Variants in ALKBH1 observed in about 807,000 individuals in gnomAD.
ALKBH1 encodes the protein alkB homolog 1, histone H2A dioxygenase, also known as nucleic acid dioxygenase ALKBH1.
A neutral mutation model predicts 36.6 loss-of-function variants in ALKBH1; 31 were observed. The observed-to-expected ratio is 0.85, with a 90% CI of 0.64 to 1.14. The LOEUF (loss-of-function observed/expected upper bound fraction) is 1.14. Ranked by LOEUF, ALKBH1 falls within the 50% of genes most tolerant of loss-of-function variation. ALKBH1 has a pLI of 0.00. For missense variants in ALKBH1, 490 were observed against 497.3 expected, an observed-to-expected ratio of 0.99 and a Z score of 0.14; for synonymous variants, 183 against 186.6, an observed-to-expected ratio of 0.98 and a Z score of 0.16.
intron 2 of ALKBH1, among the ~76,000 whole-genome samples, chr14:77,698,256 G>A (rs946078985): frequency 1.3e-5 from 2 of 152,158 alleles, no homozygotes; most frequent in Non-Finnish European, 2.9e-5. Flanking sequence ...CAGAAGAGAG[G>A]AAAGAAATAG....
At chr14:77,680,674 A>ATTTTT (rs2080231917) in intron 3 of ALKBH1, among the ~76,000 whole-genome samples, 1 of 92,208 alleles carries the variant, frequency 1.1e-5, no homozygotes, top group African/African-American at 5.0e-5. Context: ...GTGATTAACT[A>ATTTTT]CTCTTTTTTT....
chr14:77,683,286 G>A, intron 3 of ALKBH1: 1 of 764,444 alleles, frequency 1.3e-6, no homozygotes, highest in Non-Finnish European at 2.4e-6. Flanking sequence ...CTCTGGGTGG[G>A]GCAGGCTGGC....
At chr14:77,675,943 TTACA>T (rs777853110) in intron 4 of ALKBH1, 94 bp from the exon 5 acceptor site, 1 of 1,039,536 alleles carries the variant, frequency 9.6e-7, no homozygotes, top group Non-Finnish European at 1.4e-6. Flanking sequence ...ATAATCTTAC[TTACA>T]AAGTCATATT....
chr14:77,704,498 G>T, intron 1 of ALKBH1, 21 bp from the exon 2 acceptor site: 1 of 1,591,468 alleles, frequency 6.3e-7, no homozygotes, highest in Non-Finnish European at 8.6e-7. Context: ...GGAAACAGAA[G>T]TTAAAGGACT....
At chr14:77,680,434 GAA>G (rs1013645055) in intron 3 of ALKBH1, among the ~76,000 whole-genome samples, 2 of 150,760 alleles carry the variant, frequency 1.3e-5, no homozygotes, top group East Asian at 3.9e-4. Flanking sequence ...GCAGGTTGGG[GAA>G]AAAAAAAGTT....
chr14:77,679,754 A>G (rs2080226503), intron 4 of ALKBH1, 126 bp downstream of exon 4: 1 of 738,626 alleles, frequency 1.4e-6, no homozygotes, highest in East Asian at 2.7e-5. Context: ...TTAAGGAAAT[A>G]AAAGAAAGGG....
chr14:77,681,227 A>C (rs766849958), intron 3 of ALKBH1, among the ~76,000 whole-genome samples: 4 of 152,214 alleles, frequency 2.6e-5, no homozygotes, highest in Non-Finnish European at 5.9e-5. Context: ...AACTGAACGC[A>C]GTATAAAGTC....
intron 2 of ALKBH1, among the ~76,000 whole-genome samples, chr14:77,700,636 C>T (rs2080354360): frequency 6.6e-6 from 1 of 152,150 alleles, no homozygotes; most frequent in Non-Finnish European, 1.5e-5. Context: ...GCTATCACCA[C>T]AATTTCACGA....
rs200228551 is a variant in ALKBH1 at position 77,675,728 on chromosome 14, C to T, written c.668G>A (p.Arg223His). 117 of 1,613,970 alleles carry T rather than the reference C, an allele frequency of 7.2e-5. 2 individuals carry two copies. In the South Asian group the frequency reaches 1.0e-3, roughly 14 times the overall value. ...RAEAGILNYY[R>H]LDSTLGIHVD... ...GTGGATTCCCAGTGTGGAGTCCAGG[C>T]GGTAGTAATTCAGGATCCCTGCTTC... Residue 223 changes from arginine to histidine, a missense_variant, in exon 5 of 6, where the codon CGC becomes CAC. Arg to His is a conservative substitution (Grantham distance 29, BLOSUM62 0). Transcript: ENST00000216489.
chr14:77,690,401 C>T (rs2080290810), intron 3 of ALKBH1, among the ~76,000 whole-genome samples: 1 of 152,214 alleles, frequency 6.6e-6, no homozygotes, highest in Non-Finnish European at 1.5e-5. Context: ...GTCTTTGTCC[C>T]TGGCTCCTGG....
intron 3 of ALKBH1, chr14:77,683,577 C>A: frequency 2.1e-6 from 1 of 483,928 alleles, no homozygotes. Flanking sequence ...CAACATCATC[C>A]TCCTTTTTTT....
At chr14:77,680,257 C>T (rs141055857) in intron 3 of ALKBH1, among the ~76,000 whole-genome samples, 1 of 152,130 alleles carries the variant, frequency 6.6e-6, no homozygotes, top group African/African-American at 2.4e-5. Flanking sequence ...AGAATGACAA[C>T]AATGACAAGA....
chr14:77,678,125 G>A lies in ALKBH1; in HGVS notation c.546+1755C>T, dbSNP rs1247646925. Among the ~76,000 whole-genome samples the A allele has an allele frequency of 4.6e-5, 6 of 131,034 alleles. No homozygotes were observed. In the East Asian group the frequency reaches 1.6e-3, roughly 34 times the overall value. The allele number at this position is 131,034 out of a possible 152,430, so 86.0% of individuals were successfully genotyped here. On this transcript the variant is annotated intron_variant, in intron 4 of 5. Transcript: ENST00000216489. ...AAAAAAAAAAGCTAACATTTATTGT[G>A]ATAATGCATTTAACTGCTTAGAATA...
In ALKBH1 at chr14:77,707,485, G is replaced by A. The variant is rs1018637819; in HGVS notation, c.183+337C>T. Among the ~76,000 whole-genome samples, 6 of 152,106 alleles carry A rather than the reference G, an allele frequency of 3.9e-5. No homozygotes were observed. In the East Asian group the frequency reaches 1.2e-3, roughly 29 times the overall value. On this transcript the variant is annotated intron_variant, in intron 1 of 5. Coordinates refer to ENST00000216489, the MANE Select transcript of ALKBH1 (RefSeq NM_006020.3). ...CGGGAGTGGTTTTTTTTAAGCTGCA[G>A]AAGTCTACCCTACCGTCTACAAAGA...
At chr14:77,675,993 C>T (rs1190751169) in intron 4 of ALKBH1, 144 bp from the exon 5 acceptor site, 8 of 685,020 alleles carry the variant, frequency 1.2e-5, no homozygotes, top group South Asian at 4.5e-5. Context: ...CCATTCTTTT[C>T]TTTTCTTTTT....
chr14:77,694,615 A>G, intron 3 of ALKBH1, 123 bp downstream of exon 3: 1 of 698,492 alleles, frequency 1.4e-6, no homozygotes. Flanking sequence ...TTGCTTGGAA[A>G]CAATGAAGGG....
intron 1 of ALKBH1, among the ~76,000 whole-genome samples, chr14:77,707,055 TAA>T (rs1285393646): frequency 1.3e-5 from 2 of 152,226 alleles, no homozygotes; most frequent in Non-Finnish European, 2.9e-5. Context: ...TATGTTCCCT[TAA>T]AAAAATAATT....
intron 3 of ALKBH1, 68 bp from the exon 4 acceptor site, chr14:77,680,038 T>C (rs936965886): frequency 8.0e-7 from 1 of 1,243,578 alleles, no homozygotes; most frequent in Non-Finnish European, 1.2e-6. Flanking sequence ...TTGTATGGAC[T>C]CTGGAGTTAA....
At chr14:77,687,135 T>C (rs909253163) in intron 3 of ALKBH1, among the ~76,000 whole-genome samples, 1 of 152,238 alleles carries the variant, frequency 6.6e-6, no homozygotes, top group African/African-American at 2.4e-5. Context: ...TTTCCTTCTA[T>C]GTCAGTGAGA....
Sources: allele counts gnomAD v4.1 joint callset (sites outside exome capture counted in the v4.1 genomes callset), GRCh38; gene constraint gnomAD v4.1.1; transcripts MANE v1.5; gene names NCBI Gene and HGNC (gene_info 2026-07-23, HGNC 2026-07-21).